FSTL4: variants seen among roughly 807,000 people sequenced by gnomAD.
FSTL4 encodes follistatin like 4.
In FSTL4, 28 loss-of-function variants were observed where a neutral mutation model predicts 78.2. The observed-to-expected ratio is 0.36, with a 90% CI of 0.27 to 0.49. The LOEUF is 0.49. Among genes scored for constraint, FSTL4 ranks in the 20% least tolerant of loss-of-function variants. The pLI, the probability that FSTL4 is intolerant of heterozygous loss-of-function variation, is 0.98. For missense variants in FSTL4, 922 were observed against 1,084.9 expected (o/e 0.85, Z 2.11); for synonymous variants, 422 against 440.5 (o/e 0.96, Z 0.53).
intron 4 of FSTL4, among the ~76,000 whole-genome samples, chr5:133,371,928 G>C (rs1015271671): frequency 6.6e-6 from 1 of 152,194 alleles, no homozygotes; most frequent in African/African-American, 2.4e-5. Flanking sequence ...CTTCATCACC[G>C]GGAGGCCCAT....
intron 2 of FSTL4, among the ~76,000 whole-genome samples, chr5:133,580,853 T>C (rs1760386184): frequency 6.6e-6 from 1 of 152,158 alleles, no homozygotes; most frequent in East Asian, 1.9e-4. Flanking sequence ...AGCTTCCATT[T>C]ACTAAGCAAT....
the FSTL4 span, among the ~76,000 whole-genome samples, chr5:133,663,014 A>T: frequency 6.6e-6 from 1 of 152,212 alleles, no homozygotes; most frequent in African/African-American, 2.4e-5. Context: ...GTACAATTCC[A>T]ACACTCTAGC....
chr5:133,246,234 T>A (rs1453375832), intron 7 of FSTL4, among the ~76,000 whole-genome samples: 1 of 152,204 alleles, frequency 6.6e-6, no homozygotes, highest in African/African-American at 2.4e-5. Context: ...ACGTGGCCAC[T>A]GAGACACCTC....
the FSTL4 span, among the ~76,000 whole-genome samples, chr5:133,793,342 G>C: frequency 6.6e-6 from 1 of 152,260 alleles, no homozygotes; most frequent in African/African-American, 2.4e-5. Flanking sequence ...TCTGCCTGCT[G>C]CTGGGGCTTA....
chr5:133,488,554 A>G (rs1758185706), intron 3 of FSTL4, among the ~76,000 whole-genome samples: 1 of 150,892 alleles, frequency 6.6e-6, no homozygotes, highest in Non-Finnish European at 1.5e-5. Flanking sequence ...GCACCCAGCC[A>G]AGCTCTCTTT....
rs531458622 is a variant in FSTL4 at position 133,474,155 on chromosome 5, G to A, written c.161-73169C>T. ...ATCTTCAGGGGGAGCTGAGACATGGGGAGTGCAGCATCTGGGGTGGCCTCT... is the reference window on the plus strand; with the variant it reads ...ATCTTCAGGGGGAGCTGAGACATGGAGAGTGCAGCATCTGGGGTGGCCTCT... On this transcript the variant is annotated intron_variant, in intron 3 of 15. Coordinates refer to ENST00000265342, the MANE Select transcript of FSTL4 (RefSeq NM_015082.2). Among the ~76,000 whole-genome samples, 11 of 152,236 alleles carry A rather than the reference G, an allele frequency of 7.2e-5. No homozygotes were observed. The South Asian group carries it at 1.9e-3, about 26-fold the overall frequency.
chr5:133,795,423 A>G, the FSTL4 span, among the ~76,000 whole-genome samples: 1 of 152,252 alleles, frequency 6.6e-6, no homozygotes, highest in African/African-American at 2.4e-5. Context: ...GCATGAGAAT[A>G]TAAAGTCATC....
At chr5:133,635,075 T>TAA in the FSTL4 span, among the ~76,000 whole-genome samples, 6 of 148,362 alleles carry the variant, frequency 4.0e-5, no homozygotes, top group African/African-American at 1.5e-4. Flanking sequence ...TTTTATTCTT[T>TAA]AAAAAAAAAA....
the FSTL4 span, among the ~76,000 whole-genome samples, chr5:133,701,509 A>ACACACACCCCCCC: frequency 7.5e-6 from 1 of 132,624 alleles, no homozygotes; most frequent in Non-Finnish European, 1.6e-5. Context: ...ACACACACAC[A>ACACACACCCCCCC]CCCCACAGGC....
chr5:133,274,892 C>T (rs1219704155), intron 6 of FSTL4, among the ~76,000 whole-genome samples: 2 of 152,170 alleles, frequency 1.3e-5, no homozygotes, highest in Admixed American at 6.5e-5. Context: ...CTGACTTTGT[C>T]CTATGCATAG....
At chr5:133,285,749 A>G (rs2126863487) in intron 6 of FSTL4, among the ~76,000 whole-genome samples, 1 of 152,300 alleles carries the variant, frequency 6.6e-6, no homozygotes, top group African/African-American at 2.4e-5. Flanking sequence ...ATGAGGTCCA[A>G]TGGCTCCTTC....
At chr5:133,362,804 T>C (rs936989173) in intron 4 of FSTL4, among the ~76,000 whole-genome samples, 16 of 152,278 alleles carry the variant, frequency 1.1e-4, no homozygotes, top group African/African-American at 3.4e-4. Context: ...TTCTAGATCC[T>C]AGTTAATTTC....
At chr5:133,383,662 T>C (rs2126954912) in intron 4 of FSTL4, among the ~76,000 whole-genome samples, 1 of 152,356 alleles carries the variant, frequency 6.6e-6, no homozygotes. Flanking sequence ...GCTGCTGCCT[T>C]ATTAAGAGGC....
intron 7 of FSTL4, chr5:133,248,055 T>TA (rs1189653681): frequency 6.6e-6 from 1 of 152,268 alleles, no homozygotes; most frequent in Non-Finnish European, 1.5e-5. Context: ...GCTAGCAGCA[T>TA]TGCTGACCAC....
the FSTL4 span, among the ~76,000 whole-genome samples, chr5:133,752,741 G>T: frequency 6.6e-6 from 1 of 152,144 alleles, no homozygotes; most frequent in Non-Finnish European, 1.5e-5. Flanking sequence ...GTGATCATTT[G>T]TCACTGTGCA....
chr5:133,749,747 C>G, the FSTL4 span, among the ~76,000 whole-genome samples: 2 of 152,192 alleles, frequency 1.3e-5, no homozygotes, highest in Admixed American at 6.5e-5. Context: ...CAAGCTCTTC[C>G]CTCCCACGAT....
In FSTL4 at chr5:133,504,774, C is replaced by A. The variant is rs1418224890; in HGVS notation, c.160+62412G>T. On this transcript the variant is annotated intron_variant, in intron 3 of 15. Coordinates refer to ENST00000265342, the MANE Select transcript of FSTL4 (RefSeq NM_015082.2). ...CCAGCTCTTGGCCTTCATGCCACTTCCTCAGGGAAGCCTTCCTGATTTCCC... is the reference window on the plus strand; with the variant it reads ...CCAGCTCTTGGCCTTCATGCCACTTACTCAGGGAAGCCTTCCTGATTTCCC... Among the ~76,000 whole-genome samples, 5 of 152,230 alleles carry A rather than the reference C, an allele frequency of 3.3e-5. No homozygotes were observed. The East Asian group carries it at 9.6e-4, about 29-fold the overall frequency.
chr5:133,278,206 C>T (rs1305771547), intron 6 of FSTL4, among the ~76,000 whole-genome samples: 7 of 152,270 alleles, frequency 4.6e-5, no homozygotes, highest in Middle Eastern at 3.4e-3. Flanking sequence ...GCAAGAACGG[C>T]CAGTCTATAG....
the FSTL4 span, among the ~76,000 whole-genome samples, chr5:133,831,746 G>C: frequency 6.6e-6 from 1 of 152,234 alleles, no homozygotes; most frequent in South Asian, 2.1e-4. Context: ...AAGCACAAGA[G>C]CTGTTTGGAG....
Sources: gnomAD v4.1 joint callset for allele counts (sites outside exome capture counted in the v4.1 genomes callset) on GRCh38, gnomAD v4.1.1 for gene constraint, MANE v1.5 for transcripts, NCBI Gene and HGNC (gene_info 2026-07-23, HGNC 2026-07-21) for gene names.